Variants in SPIDR observed in about 807,000 individuals in gnomAD.
SPIDR encodes scaffold protein involved in DNA repair.
A neutral mutation model predicts 104.6 loss-of-function variants in SPIDR; 93 were observed. That is an observed-to-expected ratio of 0.89 (90% CI 0.75 to 1.06). SPIDR has a LOEUF of 1.06. Ranked by LOEUF, SPIDR falls within the 50% of genes least tolerant of loss-of-function variation. The probability of loss-of-function intolerance (pLI) is 0.00; values close to 1 mark genes in which losing one functional copy is unlikely to be tolerated. For synonymous variants in SPIDR, 431 were observed against 416.9 expected, an observed-to-expected ratio of 1.03 and a Z score of -0.41; for missense variants, 1,154 against 1,111.2, an observed-to-expected ratio of 1.04 and a Z score of -0.55.
rs192322470 is a variant in SPIDR at position 47,265,094 on chromosome 8, G to C, written c.33+4103G>C. On this transcript the variant is annotated intron_variant, in intron 1 of 19. Coordinates refer to ENST00000297423, the MANE Select transcript of SPIDR (RefSeq NM_001080394.4). ...AGTTATCTTGGTAGGAGTACCTCAT[G>C]GTTCCAGTTTAAGGCCTTGATAGTC... Among the ~76,000 whole-genome samples the C allele has an allele frequency of 5.9e-5, 9 of 151,804 alleles. No individual in the cohort carries two copies. The East Asian group carries it at 1.4e-3, about 23-fold the overall frequency.
chr8:47,336,495 A>G (rs1477387110), intron 5 of SPIDR, among the ~76,000 whole-genome samples: 3 of 152,228 alleles, frequency 2.0e-5, no homozygotes, highest in African/African-American at 7.2e-5. Flanking sequence ...GCAGGAAAAA[A>G]TGTAACAATG....
At chr8:47,680,592 A>G (rs2076973072) in intron 11 of SPIDR, among the ~76,000 whole-genome samples, 1 of 152,238 alleles carries the variant, frequency 6.6e-6, no homozygotes, top group African/African-American at 2.4e-5. Flanking sequence ...AAACTTCAAT[A>G]GTAATTTACT....
chr8:47,613,871 T>C (rs1371635666), intron 10 of SPIDR, among the ~76,000 whole-genome samples: 3 of 152,236 alleles, frequency 2.0e-5, no homozygotes, highest in Non-Finnish European at 4.4e-5. Context: ...TATTTTATTT[T>C]ATTTTAAGTT....
At chr8:47,629,714 A>G (rs946734942) in intron 10 of SPIDR, among the ~76,000 whole-genome samples, 3 of 152,262 alleles carry the variant, frequency 2.0e-5, no homozygotes, top group Admixed American at 6.5e-5. Context: ...AGATCGTGCT[A>G]CTGCACTCCA....
chr8:47,466,900 A>ATATATATAT (rs1554717437), intron 8 of SPIDR, among the ~76,000 whole-genome samples: 2 of 114,368 alleles, frequency 1.7e-5, no homozygotes, highest in South Asian at 2.9e-4. Flanking sequence ...AAAAAAAAAA[A>ATATATATAT]ATATATATAT....
intron 7 of SPIDR, among the ~76,000 whole-genome samples, chr8:47,433,961 C>T (rs1311652230): frequency 1.3e-5 from 2 of 152,080 alleles, no homozygotes; most frequent in African/African-American, 4.8e-5. Context: ...TATGAGAAGT[C>T]AGTAAAATAG....
intron 8 of SPIDR, among the ~76,000 whole-genome samples, chr8:47,498,150 T>A (rs1190163284): frequency 6.6e-6 from 1 of 152,332 alleles, no homozygotes; most frequent in East Asian, 1.9e-4. Flanking sequence ...TGTTTTCTTA[T>A]AAGACTGGAG....
intron 8 of SPIDR, among the ~76,000 whole-genome samples, chr8:47,465,874 G>A (rs979444385): frequency 2.0e-4 from 31 of 152,164 alleles, no homozygotes; most frequent in Middle Eastern, 3.2e-3. Flanking sequence ...AGGGGTTGCA[G>A]TCCTCATTTC....
At chr8:47,592,503 GA>G in intron 8 of SPIDR, 1 of 1,415,540 alleles carries the variant, frequency 7.1e-7, no homozygotes, top group Non-Finnish European at 1.0e-6. Context: ...ATGACCACAT[GA>G]AAATAACAGG....
intron 8 of SPIDR, among the ~76,000 whole-genome samples, chr8:47,530,248 A>G (rs2085727331): frequency 6.6e-6 from 1 of 152,182 alleles, no homozygotes; most frequent in Non-Finnish European, 1.5e-5. Flanking sequence ...TAGGCAGATA[A>G]CTTGAGGCCA....
At chr8:47,294,601 C>T (rs1409869708) in intron 5 of SPIDR, among the ~76,000 whole-genome samples, 3 of 152,064 alleles carry the variant, frequency 2.0e-5, no homozygotes, top group African/African-American at 2.4e-5. Flanking sequence ...TCGTGGCCAT[C>T]GTTTATTACA....
chr8:47,565,341 A>G (rs2057652523), intron 8 of SPIDR, among the ~76,000 whole-genome samples: 1 of 152,230 alleles, frequency 6.6e-6, no homozygotes, highest in African/African-American at 2.4e-5. Context: ...AAGAGAAGCA[A>G]CATTGAGTTA....
Position 47,694,819 on chromosome 8 carries a change from T to A in SPIDR, c.1686-5584T>A, listed in dbSNP as rs546547776. 1.3e-4 allele frequency among the ~76,000 whole-genome samples: 19 copies of A among 151,038 alleles called. No individual in the cohort carries two copies. In the East Asian group the frequency reaches 3.1e-3, roughly 25 times the overall value. On this transcript the variant is annotated intron_variant, in intron 11 of 19. Transcript: ENST00000297423. ...AAATGAGGGCCCAAAGAGGTTTTTT[T>A]AAAAAAAAATATGAGTTAATCAGTA...
intron 14 of SPIDR, among the ~76,000 whole-genome samples, chr8:47,707,295 C>T (rs2081237384): frequency 6.6e-6 from 1 of 151,304 alleles, no homozygotes; most frequent in African/African-American, 2.4e-5. Flanking sequence ...TATAAGGTGT[C>T]GGCCAACAGT....
At chr8:47,342,291 A>G (rs1554614599) in intron 5 of SPIDR, among the ~76,000 whole-genome samples, 2 of 137,410 alleles carry the variant, frequency 1.5e-5, no homozygotes, top group African/African-American at 5.6e-5. Flanking sequence ...TCTCTTCCTC[A>G]TATTTCTCAC....
intron 3 of SPIDR, among the ~76,000 whole-genome samples, chr8:47,290,291 A>G (rs2039671191): frequency 6.6e-6 from 1 of 152,166 alleles, no homozygotes; most frequent in South Asian, 2.1e-4. Flanking sequence ...AAATGACAAA[A>G]TTACAGAAAT....
At chr8:47,377,035 T>C (rs573376108) in intron 5 of SPIDR, among the ~76,000 whole-genome samples, 1 of 152,296 alleles carries the variant, frequency 6.6e-6, no homozygotes, top group East Asian at 1.9e-4. Flanking sequence ...CCACAAAACC[T>C]AAAATATTTA....
At chr8:47,583,575 T>G (rs971513101) in intron 8 of SPIDR, among the ~76,000 whole-genome samples, 13 of 152,182 alleles carry the variant, frequency 8.5e-5, no homozygotes, top group African/African-American at 3.1e-4. Flanking sequence ...GGTGTTGGAT[T>G]GATTGCAGCA....
At chr8:47,458,823 A>T in intron 8 of SPIDR, among the ~76,000 whole-genome samples, 1 of 152,042 alleles carries the variant, frequency 6.6e-6, no homozygotes, top group South Asian at 2.1e-4. Context: ...GAGGATTTTA[A>T]TCAAAAAGGG....
Sources: allele counts gnomAD v4.1 joint callset (sites outside exome capture counted in the v4.1 genomes callset), GRCh38; gene constraint gnomAD v4.1.1; transcripts MANE v1.5; gene names NCBI Gene and HGNC (gene_info 2026-07-23, HGNC 2026-07-21).